The following NUDCD3 variants were observed in gnomAD, a reference collection of about 807,000 sequenced individuals.
NUDCD3 encodes the protein NudC domain containing 3, also known as nudC domain-containing protein 3.
NUDCD3 carries 13 observed loss-of-function variants against 39.7 expected under a neutral mutation model. The ratio of observed to expected loss-of-function variants is 0.33; its 90% CI spans 0.21 to 0.52. The LOEUF is 0.52. NUDCD3 is among the 20% of genes least tolerant of loss of function. The pLI is 0.96. For synonymous variants in NUDCD3, 175 were observed against 172.4 expected, an observed-to-expected ratio of 1.02 and a Z score of -0.12; for missense variants, 453 against 458.1, an observed-to-expected ratio of 0.99 and a Z score of 0.10.
chr7:44,389,671 A>G (rs1472282341), intron 5 of NUDCD3, among the ~76,000 whole-genome samples: 1 of 152,208 alleles, frequency 6.6e-6, no homozygotes, highest in Admixed American at 6.5e-5. Context: ...TCCTAGCACC[A>G]CAAAGGCAGA....
At position 44,381,595 on chromosome 7, in the gene NUDCD3, GA is replaced by G. The variant is rs1798305664; in HGVS notation, c.*4415del. 6.6e-6 allele frequency: 1 copy of G among 152,272 alleles called. No individual in the cohort carries two copies. The highest frequency in any genetic ancestry group is 2.1e-4 in the South Asian group (1 of 4,836). 9.4% of individuals were successfully genotyped at this position (152,272 alleles called of 1,614,324 possible). ...TCAGGCCCTGACCAGCTCTGGGGAA[GA>G]AGGCCTAGGACTGAGAGAGGCAGCA... On this transcript the variant is annotated 3_prime_UTR_variant, in exon 6 of 6. Coordinates refer to ENST00000355451, the MANE Select transcript of NUDCD3 (RefSeq NM_015332.4).
Position 44,490,476 on chromosome 7 carries a change from C to A in NUDCD3, c.125G>T (p.Arg42Leu). The change falls in exon 1 of 6, where the codon CGC (arginine) becomes CTC (leucine). Residue 42 changes from arginine to leucine, a missense_variant. By Grantham distance (102) the Arg-to-Leu change is moderately radical. Coordinates refer to ENST00000355451, the MANE Select transcript of NUDCD3 (RefSeq NM_015332.4). ...GCGGTCCGATGGGTGGCGCAGCAAG[C>A]GATAGAAGTCTGTCTTGCGGTAGAG... ...GFLYRKTDFY[R>L]LLRHPSDRMG... is the part of the protein sequence containing the mutation. 6.2e-7 allele frequency: 1 copy of A among 1,607,088 alleles called. No individual in the cohort carries two copies. The highest frequency in any genetic ancestry group is 1.1e-5 in the South Asian group (1 of 89,984).
intron 2 of NUDCD3, among the ~76,000 whole-genome samples, chr7:44,466,089 C>T (rs1800112633): frequency 6.6e-6 from 1 of 152,194 alleles, no homozygotes; most frequent in South Asian, 2.1e-4. Flanking sequence ...AAGCCAGATG[C>T]TTGCTGCCAG....
In NUDCD3 at chr7:44,385,985, G is replaced by A; in HGVS notation, c.*26C>T. On this transcript the variant is annotated 3_prime_UTR_variant, in exon 6 of 6. Transcript: ENST00000355451. ...AGGATAAGGCTCTGCCTCCCCACCG[G>A]CGAGGGTTTCCTTTCCTTCTGGTCA... 1 of 1,194,900 alleles carries A rather than the reference G, an allele frequency of 8.4e-7. No individual in the cohort carries two copies. Among genetic ancestry groups the A allele is most frequent in the Non-Finnish European group, 1.3e-6 (1 of 798,104 alleles). 74.0% of individuals were successfully genotyped at this position (1,194,900 alleles called of 1,614,324 possible).
chr7:44,476,627 G>T (rs542255655), intron 2 of NUDCD3, among the ~76,000 whole-genome samples: 1 of 152,248 alleles, frequency 6.6e-6, no homozygotes, highest in Non-Finnish European at 1.5e-5. Context: ...AGCCACCCAG[G>T]CTACAGTATT....
intron 2 of NUDCD3, among the ~76,000 whole-genome samples, chr7:44,452,047 G>T (rs1448846008): frequency 3.9e-5 from 6 of 152,206 alleles, no homozygotes; most frequent in African/African-American, 1.4e-4. Context: ...CTACGAGGAT[G>T]GTGGCTGCCT....
chr7:44,458,663 GA>G (rs11375227), intron 2 of NUDCD3, among the ~76,000 whole-genome samples: 4 of 150,566 alleles, frequency 2.7e-5, no homozygotes, highest in South Asian at 4.2e-4. Context: ...TGTCTCGGGG[GA>G]AAAAAAAAGT....
At chr7:44,405,566 G>A (rs1001449459) in intron 3 of NUDCD3, among the ~76,000 whole-genome samples, 2 of 152,054 alleles carry the variant, frequency 1.3e-5, no homozygotes, top group Non-Finnish European at 2.9e-5. Flanking sequence ...TTTCTAATAG[G>A]TATGTGGAAT....
chr7:44,430,570 T>TCACACACA (rs58853542), intron 2 of NUDCD3, among the ~76,000 whole-genome samples: 12 of 125,882 alleles, frequency 9.5e-5, no homozygotes, highest in South Asian at 5.2e-4. Context: ...ACACACACAC[T>TCACACACA]CACACACACA....
At position 44,386,051 on chromosome 7, in the gene NUDCD3, G is replaced by A. The variant is rs1798395416; in HGVS notation, c.1046C>T (p.Pro349Leu). ...GSPFRGQRFD[P>L]AMFNISPGAV... is the part of the protein sequence containing the mutation. ...CCCCGGGGAGATGTTGAACATGGCA[G>A]GGTCGAATCGCTGGCCTCGGAAGGG... Residue 349 changes from proline to leucine, a missense_variant, in exon 6 of 6, where the codon CCT (proline) becomes CTT (leucine). Coordinates refer to ENST00000355451, the MANE Select transcript of NUDCD3 (RefSeq NM_015332.4). 1 of 1,607,930 alleles carries A rather than the reference G, an allele frequency of 6.2e-7. No homozygotes were observed. Among genetic ancestry groups the A allele is most frequent in the Non-Finnish European group, 8.5e-7 (1 of 1,174,324 alleles).
chr7:44,400,183 G>A (rs1293992370), intron 4 of NUDCD3, among the ~76,000 whole-genome samples: 4 of 152,166 alleles, frequency 2.6e-5, no homozygotes, highest in African/African-American at 4.8e-5. Context: ...AGCTGGTGCC[G>A]TTGCCACGGC....
At chr7:44,471,572 T>C (rs141013281) in intron 2 of NUDCD3, among the ~76,000 whole-genome samples, 76 of 152,296 alleles carry the variant, frequency 5.0e-4, no homozygotes, top group Middle Eastern at 3.4e-3. Context: ...AAAGGACAGT[T>C]TGCACAGGAA....
At chr7:44,488,322 G>A (rs1157227660) in intron 1 of NUDCD3, among the ~76,000 whole-genome samples, 4 of 144,916 alleles carry the variant, frequency 2.8e-5, no homozygotes, top group Non-Finnish European at 6.0e-5. Context: ...GCGACAGAGT[G>A]AGACTCCATC....
At chr7:44,461,791 C>T (rs192838058) in intron 2 of NUDCD3, among the ~76,000 whole-genome samples, 3 of 152,206 alleles carry the variant, frequency 2.0e-5, no homozygotes, top group South Asian at 2.1e-4. Flanking sequence ...TTCTCAAATG[C>T]CAGAAATGCT....
chr7:44,456,252 CTA>C (rs1799899858), intron 2 of NUDCD3, among the ~76,000 whole-genome samples: 2 of 150,794 alleles, frequency 1.3e-5, no homozygotes, highest in Admixed American at 1.3e-4. Context: ...AAAAATGAAA[CTA>C]GTGATCAAAT....
At chr7:44,467,442 AAGCCAGAGGTTCCTCTGCATC>A (rs1182504127) in intron 2 of NUDCD3, among the ~76,000 whole-genome samples, 1 of 152,178 alleles carries the variant, frequency 6.6e-6, no homozygotes, top group African/African-American at 2.4e-5. Context: ...GAAGAAAAAG[AAGCCAGAGGTTCCTCTGCATC>A]AGCCAGAGGC....
At chr7:44,465,405 CT>C (rs1251697292) in intron 2 of NUDCD3, among the ~76,000 whole-genome samples, 1 of 152,166 alleles carries the variant, frequency 6.6e-6, no homozygotes, top group Non-Finnish European at 1.5e-5. Context: ...CAGACACCCA[CT>C]GAGACTGATG....
chr7:44,477,383 A>G (rs1461461272), intron 2 of NUDCD3, among the ~76,000 whole-genome samples: 2 of 152,248 alleles, frequency 1.3e-5, no homozygotes, highest in East Asian at 3.8e-4. Context: ...TAGTGCTACC[A>G]TATTTTCCTT....
intron 5 of NUDCD3, among the ~76,000 whole-genome samples, chr7:44,390,380 A>G (rs1274860774): frequency 1.3e-5 from 2 of 152,174 alleles, no homozygotes. Flanking sequence ...TTTAAAAAAT[A>G]AAATAAAATA....
Sources: allele counts gnomAD v4.1 joint callset (sites outside exome capture counted in the v4.1 genomes callset), GRCh38; gene constraint gnomAD v4.1.1; transcripts MANE v1.5; gene names NCBI Gene and HGNC (gene_info 2026-07-23, HGNC 2026-07-21).